The following ZNF69 variants were observed in gnomAD, a reference collection of about 807,000 sequenced individuals.
ZNF69 encodes ZNF3.
A neutral mutation model predicts 50.9 loss-of-function variants in ZNF69; 47 were observed. The ratio of observed to expected loss-of-function variants is 0.92; its 90% CI spans 0.73 to 1.18. The LOEUF (loss-of-function observed/expected upper bound fraction) is 1.18, where lower values mean the gene tolerates loss of function less well. Ranked by LOEUF, ZNF69 falls within the 50% of genes most tolerant of loss-of-function variation. The pLI is 0.00. For synonymous variants in ZNF69, 216 were observed against 223.1 expected, an observed-to-expected ratio of 0.97 and a Z score of 0.29; for missense variants, 717 against 675.1, an observed-to-expected ratio of 1.06 and a Z score of -0.69.
intron 1 of ZNF69, 119 bp from the exon 2 acceptor site, chr19:11,903,454 G>A: frequency 6.7e-7 from 1 of 1,488,500 alleles, no homozygotes; most frequent in Middle Eastern, 1.8e-4. Flanking sequence ...TACACAGGGA[G>A]AAAGAGATCT....
At chr19:11,902,978 G>A (rs545087820) in intron 1 of ZNF69, among the ~76,000 whole-genome samples, 1 of 152,244 alleles carries the variant, frequency 6.6e-6, no homozygotes, top group Non-Finnish European at 1.5e-5. Flanking sequence ...CATCACAATT[G>A]CTTTATGAAC....
At chr19:11,960,980 C>T in the ZNF69 span, among the ~76,000 whole-genome samples, 1 of 152,116 alleles carries the variant, frequency 6.6e-6, no homozygotes. Flanking sequence ...TTACTCTCCT[C>T]GAAATATATA....
chr19:11,934,981 T>C, the ZNF69 span, among the ~76,000 whole-genome samples: 1 of 146,502 alleles, frequency 6.8e-6, no homozygotes, highest in Non-Finnish European at 1.5e-5. Flanking sequence ...ATCAAGACCA[T>C]CCTGGCTAAC....
chr19:11,966,410 G>C, the ZNF69 span, among the ~76,000 whole-genome samples: 1 of 152,174 alleles, frequency 6.6e-6, no homozygotes, highest in East Asian at 1.9e-4. Flanking sequence ...ATCTCCTTCT[G>C]TCGCCCAGGC....
the ZNF69 span, chr19:11,977,186 C>G: frequency 1.2e-6 from 2 of 1,613,416 alleles, no homozygotes; most frequent in East Asian, 4.5e-5. Flanking sequence ...AATATTCCTT[C>G]CCTCAGTCCA....
intron 1 of ZNF69, among the ~76,000 whole-genome samples, chr19:11,900,945 G>C (rs777200263): frequency 6.6e-6 from 1 of 152,200 alleles, no homozygotes; most frequent in African/African-American, 2.4e-5. Flanking sequence ...GAAATTGTGA[G>C]TTTTGCATTT....
the ZNF69 span, among the ~76,000 whole-genome samples, chr19:11,955,298 A>C: frequency 4.2e-4 from 64 of 152,038 alleles, no homozygotes; most frequent in African/African-American, 1.5e-3. Context: ...TACCGTGCCC[A>C]GCCTGAAAAT....
At chr19:11,915,153 A>C (rs533977645), downstream of ZNF69, among the ~76,000 whole-genome samples, 1 of 152,304 alleles carries the variant, frequency 6.6e-6, no homozygotes, top group South Asian at 2.1e-4. Context: ...CAGTGAACTG[A>C]GATCACACCA....
the ZNF69 span, chr19:11,979,196 G>C: frequency 2.5e-6 from 4 of 1,612,032 alleles, no homozygotes; most frequent in Non-Finnish European, 3.4e-6. Context: ...CCCTATAAAT[G>C]CATGCCATGT....
At chr19:11,925,751 G>C in the ZNF69 span, among the ~76,000 whole-genome samples, 9,597 of 152,242 alleles carry the variant, frequency 0.063, 388 homozygotes, top group Middle Eastern at 0.099. Context: ...CCCGTCCTGG[G>C]TTGTGGTTTG....
chr19:11,976,555 CAAAAAAA>C, the ZNF69 span, among the ~76,000 whole-genome samples: 123 of 73,826 alleles, frequency 1.7e-3, no homozygotes, highest in African/African-American at 5.2e-3. Flanking sequence ...GACTCTGTCT[CAAAAAAA>C]AAAAAAAAAA....
chr19:11,917,227 G>C (rs750804389), downstream of ZNF69, among the ~76,000 whole-genome samples: 1 of 152,140 alleles, frequency 6.6e-6, no homozygotes, highest in African/African-American at 2.4e-5. Flanking sequence ...GAATTGATTG[G>C]TGTTCAGCAA....
rs546132040 is a variant in ZNF69 at position 11,888,119 on chromosome 19, G to C, written c.63+133G>C. 7 of 749,156 alleles carry C rather than the reference G, an allele frequency of 9.3e-6. No individual in the cohort carries two copies. The South Asian group carries it at 1.2e-4, about 12-fold the overall frequency. The allele number at this position is 749,156 out of a possible 1,614,324, so 46.4% of individuals were successfully genotyped here. A position where few individuals can be genotyped will look rare whatever the true frequency, so the allele number is the denominator to read the frequency against. Reference sequence around the variant, plus strand: ...GGACCGAGTCCTCCTGGAGCCGCTCGGCCCTCGGTCCCCTCGACTGCTCGG... The same window carrying C: ...GGACCGAGTCCTCCTGGAGCCGCTCCGCCCTCGGTCCCCTCGACTGCTCGG... On this transcript the variant is annotated intron_variant, in intron 1 of 3. Coordinates refer to ENST00000429654, the MANE Select transcript of ZNF69 (RefSeq NM_001364730.1).
chr19:11,910,222 A>G (rs1022362561), downstream of ZNF69, among the ~76,000 whole-genome samples: 1 of 152,228 alleles, frequency 6.6e-6, no homozygotes. Context: ...GGAAGAATCA[A>G]TATCATGAAA....
chr19:11,916,088 G>T (rs985889950), downstream of ZNF69, among the ~76,000 whole-genome samples: 2 of 152,194 alleles, frequency 1.3e-5, no homozygotes, highest in African/African-American at 4.8e-5. Flanking sequence ...GCAAGTGATA[G>T]TTTTTGTCTT....
chr19:11,950,505 A>G, the ZNF69 span: 1 of 647,554 alleles, frequency 1.5e-6, no homozygotes, highest in East Asian at 2.9e-5. Context: ...ATATCATGAA[A>G]GGACTTACAC....
chr19:11,945,713 C>T, the ZNF69 span, among the ~76,000 whole-genome samples: 1 of 152,024 alleles, frequency 6.6e-6, no homozygotes, highest in Non-Finnish European at 1.5e-5. Context: ...GTCTTCATTC[C>T]TCCTCCTGGG....
At chr19:11,938,972 G>A in the ZNF69 span, among the ~76,000 whole-genome samples, 2 of 152,078 alleles carry the variant, frequency 1.3e-5, no homozygotes, top group African/African-American at 2.4e-5. Flanking sequence ...TTCTCTGATG[G>A]CCAGTGATGA....
chr19:11,979,717 T>C, the ZNF69 span: 3 of 1,597,694 alleles, frequency 1.9e-6, no homozygotes, highest in South Asian at 3.3e-5. Context: ...CCTACGAGTG[T>C]AAGCAATGTG....
Sources: gnomAD v4.1 joint callset for allele counts (sites outside exome capture counted in the v4.1 genomes callset) on GRCh38, gnomAD v4.1.1 for gene constraint, MANE v1.5 for transcripts, NCBI Gene and HGNC (gene_info 2026-07-23, HGNC 2026-07-21) for gene names.